The following DLGAP2 variants were observed in gnomAD, a reference collection of about 807,000 sequenced individuals.
DLGAP2 encodes the protein DLG associated protein 2.
DLGAP2 carries 26 observed loss-of-function variants against 100.3 expected under a neutral mutation model. The observed-to-expected ratio is 0.26, with a 90% CI of 0.19 to 0.36. The LOEUF is 0.36. DLGAP2 is among the 10% of genes least tolerant of loss of function. The pLI is 1.00. For missense variants in DLGAP2, 1,858 were observed against 1,453.2 expected, an observed-to-expected ratio of 1.28 and a Z score of -4.53; for synonymous variants, 886 against 630.1, an observed-to-expected ratio of 1.41 and a Z score of -6.08.
intron 3 of DLGAP2, among the ~76,000 whole-genome samples, chr8:1,433,272 C>T (rs186500744): frequency 2.0e-5 from 3 of 152,226 alleles, no homozygotes; most frequent in African/African-American, 7.2e-5. Context: ...CCATCCAGCT[C>T]TCTGCTCTAC....
intron 2 of DLGAP2, among the ~76,000 whole-genome samples, chr8:1,203,168 T>C (rs928501546): frequency 6.6e-6 from 1 of 152,188 alleles, no homozygotes; most frequent in Non-Finnish European, 1.5e-5. Context: ...GTTATTCCTA[T>C]TAACACGATG....
intron 1 of DLGAP2, among the ~76,000 whole-genome samples, chr8:848,790 T>C (rs1797118260): frequency 6.8e-6 from 1 of 147,156 alleles, no homozygotes; most frequent in Non-Finnish European, 1.5e-5. Flanking sequence ...GGTCGTGCGG[T>C]GCGTGTTCCA....
intron 3 of DLGAP2, among the ~76,000 whole-genome samples, chr8:1,477,707 C>T (rs544607377): frequency 6.6e-5 from 10 of 151,940 alleles, no homozygotes; most frequent in African/African-American, 2.4e-4. Context: ...TTTATTTTCT[C>T]ATGTTTAAAC....
At chr8:1,540,687 A>C (rs1801331742) in intron 4 of DLGAP2, among the ~76,000 whole-genome samples, 1 of 152,214 alleles carries the variant, frequency 6.6e-6, no homozygotes, top group Non-Finnish European at 1.5e-5. Flanking sequence ...TACCCCACGG[A>C]GGGGGCATCA....
chr8:1,430,012 A>ATATATG (rs1797373257), intron 3 of DLGAP2, among the ~76,000 whole-genome samples: 1 of 69,482 alleles, frequency 1.4e-5, no homozygotes, highest in African/African-American at 8.0e-5. Flanking sequence ...ATATACATAT[A>ATATATG]TATATATATA....
At chr8:883,802 C>T (rs906238551) in intron 1 of DLGAP2, among the ~76,000 whole-genome samples, 5 of 152,196 alleles carry the variant, frequency 3.3e-5, no homozygotes, top group Admixed American at 3.3e-4. Context: ...CTCCCTAACT[C>T]GCAACAGGCC....
rs181510248 is a variant in DLGAP2 at position 1,133,123 on chromosome 8, C to T, written c.74-125728C>T. ...CCTTTAGTTTCCAGAAGAAAGCAAACATCTCTGGAGCATTAGCTTCCTTGG... is the reference window on the plus strand; with the variant it reads ...CCTTTAGTTTCCAGAAGAAAGCAAATATCTCTGGAGCATTAGCTTCCTTGG... On this transcript the variant is annotated intron_variant, in intron 2 of 14. Transcript: ENST00000637795. Among the ~76,000 whole-genome samples the T allele has an allele frequency of 1.6e-3, 250 of 152,296 alleles. 1 individual carries two copies. The highest frequency in any genetic ancestry group is 0.012 in the South Asian group (59 of 4,822).
Position 1,264,458 on chromosome 8 carries a change from A to G in DLGAP2, c.106+5575A>G, listed in dbSNP as rs564410142. Among the ~76,000 whole-genome samples the G allele has an allele frequency of 3.8e-4, 58 of 152,334 alleles. 1 individual carries two copies. The highest frequency in any genetic ancestry group is 1.3e-3 in the African/African-American group (52 of 41,574). On this transcript the variant is annotated intron_variant, in intron 3 of 14. Coordinates refer to ENST00000637795, the MANE Select transcript of DLGAP2 (RefSeq NM_001346810.2). ...TCATCGCACATCCAGGGCCATGGAT[A>G]GGATATAAAGTTACCAATGAGAAAT...
At chr8:1,211,674 G>A (rs558023622) in intron 2 of DLGAP2, among the ~76,000 whole-genome samples, 1 of 152,228 alleles carries the variant, frequency 6.6e-6, no homozygotes, top group East Asian at 1.9e-4. Context: ...TCGGGAGTTC[G>A]AGACCAGCCT....
At chr8:1,286,332 T>A (rs1016110181) in intron 3 of DLGAP2, among the ~76,000 whole-genome samples, 11 of 152,192 alleles carry the variant, frequency 7.2e-5, no homozygotes, top group African/African-American at 2.7e-4. Flanking sequence ...AATCACCCAG[T>A]TTGGGGCAGT....
intron 6 of DLGAP2, among the ~76,000 whole-genome samples, chr8:1,606,927 C>G (rs983607123): frequency 7.2e-5 from 11 of 152,186 alleles, no homozygotes; most frequent in African/African-American, 2.4e-4. Flanking sequence ...TCGAGAGATC[C>G]ACCTACCGCA....
At chr8:1,020,589 A>T (rs1040594845) in intron 2 of DLGAP2, among the ~76,000 whole-genome samples, 1 of 152,228 alleles carries the variant, frequency 6.6e-6, no homozygotes, top group African/African-American at 2.4e-5. Flanking sequence ...GAACGCATTG[A>T]CAGCATTGTC....
chr8:814,389 T>C (rs1008929175), intron 1 of DLGAP2, among the ~76,000 whole-genome samples: 1 of 152,168 alleles, frequency 6.6e-6, no homozygotes, highest in Non-Finnish European at 1.5e-5. Flanking sequence ...TCCTTACAAA[T>C]AGCATATGAA....
intron 2 of DLGAP2, among the ~76,000 whole-genome samples, chr8:972,500 A>G (rs1746001779): frequency 6.6e-6 from 1 of 152,268 alleles, no homozygotes; most frequent in Non-Finnish European, 1.5e-5. Context: ...AGAAATGACA[A>G]ATGCTTTTGA....
At chr8:960,531 G>A (rs1490285547) in intron 2 of DLGAP2, among the ~76,000 whole-genome samples, 1 of 151,952 alleles carries the variant, frequency 6.6e-6, no homozygotes, top group Non-Finnish European at 1.5e-5. Flanking sequence ...CACCACTCCC[G>A]GCCCTGAATT....
intron 2 of DLGAP2, among the ~76,000 whole-genome samples, chr8:1,106,140 C>T (rs1272545552): frequency 1.5e-5 from 2 of 134,974 alleles, no homozygotes; most frequent in African/African-American, 5.6e-5. Flanking sequence ...TTGAGGGGAG[C>T]CATTCTAGGA....
chr8:1,298,266 G>A (rs1800238815), intron 3 of DLGAP2, among the ~76,000 whole-genome samples: 1 of 152,152 alleles, frequency 6.6e-6, no homozygotes, highest in Non-Finnish European at 1.5e-5. Flanking sequence ...TCAAGTAAAA[G>A]TCATATAATT....
intron 3 of DLGAP2, among the ~76,000 whole-genome samples, chr8:1,492,546 A>C (rs989793737): frequency 6.6e-5 from 10 of 152,136 alleles, no homozygotes; most frequent in African/African-American, 2.4e-4. Flanking sequence ...CCCGATGGGG[A>C]CCGCGCTTCG....
At chr8:937,564 A>T (rs982232071) in intron 2 of DLGAP2, among the ~76,000 whole-genome samples, 2 of 152,126 alleles carry the variant, frequency 1.3e-5, no homozygotes, top group Non-Finnish European at 2.9e-5. Context: ...TCAGAGAGAG[A>T]GCAATCTTTC....
Sources: allele counts gnomAD v4.1 joint callset (sites outside exome capture counted in the v4.1 genomes callset), GRCh38; gene constraint gnomAD v4.1.1; transcripts MANE v1.5; gene names NCBI Gene and HGNC (gene_info 2026-07-23, HGNC 2026-07-21).